Variants in VAV3 observed in about 807,000 individuals in gnomAD.
The protein encoded by VAV3 is guanine nucleotide exchange factor VAV3.
In VAV3, 94 loss-of-function variants were observed where a neutral mutation model predicts 131.2. That is an observed-to-expected ratio of 0.72 (90% CI 0.61 to 0.85). The LOEUF (loss-of-function observed/expected upper bound fraction) is 0.85, where lower values mean the gene tolerates loss of function less well. Among genes scored for constraint, VAV3 ranks in the 40% least tolerant of loss-of-function variants. The pLI, the probability that VAV3 is intolerant of heterozygous loss-of-function variation, is 0.00. For synonymous variants in VAV3, 349 were observed against 342.0 expected, an observed-to-expected ratio of 1.02 and a Z score of -0.22; for missense variants, 939 against 1,002.7, an observed-to-expected ratio of 0.94 and a Z score of 0.86.
At chr1:107,777,672 T>C (rs770808366) in intron 3 of VAV3, 3 of 213,150 alleles carry the variant, frequency 1.4e-5, no homozygotes, top group African/African-American at 2.3e-5. Flanking sequence ...GCATGTACCC[T>C]TGCCTTCAGC....
chr1:107,888,930 T>C (rs570087013), intron 1 of VAV3, among the ~76,000 whole-genome samples: 1 of 152,188 alleles, frequency 6.6e-6, no homozygotes, highest in African/African-American at 2.4e-5. Context: ...AATTTAAAGA[T>C]AGGCCCATCT....
intron 2 of VAV3, among the ~76,000 whole-genome samples, chr1:107,842,988 A>G (rs1209298363): frequency 6.6e-6 from 1 of 152,154 alleles, no homozygotes; most frequent in Non-Finnish European, 1.5e-5. Context: ...AGACCTACTG[A>G]GAAAAAAGTA....
intron 20 of VAV3, among the ~76,000 whole-genome samples, chr1:107,619,482 T>A (rs1165131957): frequency 6.6e-6 from 1 of 152,128 alleles, no homozygotes; most frequent in African/African-American, 2.4e-5. Flanking sequence ...ACTATACCAC[T>A]AGCCAGACCT....
At chr1:107,869,949 T>C (rs1571070098) in intron 2 of VAV3, among the ~76,000 whole-genome samples, 1 of 152,330 alleles carries the variant, frequency 6.6e-6, no homozygotes, top group Non-Finnish European at 1.5e-5. Context: ...TCCAGTTCCA[T>C]CCAGGTTGCT....
intron 17 of VAV3, among the ~76,000 whole-genome samples, chr1:107,699,131 C>T (rs965165522): frequency 1.3e-5 from 2 of 152,206 alleles, no homozygotes; most frequent in Middle Eastern, 3.2e-3. Flanking sequence ...ACTCAAAAGT[C>T]CACAGTTCAA....
intron 21 of VAV3, among the ~76,000 whole-genome samples, chr1:107,614,141 G>A (rs960333790): frequency 1.3e-5 from 2 of 151,998 alleles, no homozygotes; most frequent in Non-Finnish European, 2.9e-5. Context: ...AAGAGCTCCT[G>A]GAATCGGGGA....
chr1:107,651,749 C>A (rs901196532), intron 19 of VAV3, among the ~76,000 whole-genome samples: 9 of 151,958 alleles, frequency 5.9e-5, no homozygotes, highest in Non-Finnish European at 1.2e-4. Context: ...TAATGTTTGA[C>A]CATCCTACAC....
intron 15 of VAV3, among the ~76,000 whole-genome samples, chr1:107,717,216 G>T (rs1337392139): frequency 1.3e-5 from 2 of 152,046 alleles, no homozygotes; most frequent in Non-Finnish European, 1.5e-5. Context: ...TTTTTGAAGG[G>T]TTTTGTGTGT....
chr1:107,761,485 C>T (rs903478249), intron 9 of VAV3, among the ~76,000 whole-genome samples: 6 of 152,008 alleles, frequency 3.9e-5, no homozygotes, highest in African/African-American at 7.3e-5. Context: ...TTATCTTTAT[C>T]GCTGTACTTC....
intron 1 of VAV3, among the ~76,000 whole-genome samples, chr1:107,881,567 C>T (rs1393460951): frequency 6.6e-6 from 1 of 152,158 alleles, no homozygotes; most frequent in Non-Finnish European, 1.5e-5. Flanking sequence ...AACAACAAAG[C>T]CATGTGTCTT....
intron 19 of VAV3, among the ~76,000 whole-genome samples, chr1:107,682,667 T>C (rs1658727599): frequency 1.3e-5 from 2 of 152,342 alleles, no homozygotes; most frequent in South Asian, 2.1e-4. Flanking sequence ...TATAATGCTT[T>C]GAAAACTAAA....
intron 5 of VAV3, among the ~76,000 whole-genome samples, 198 bp from the exon 6 acceptor site, chr1:107,770,926 T>A (rs1665006370): frequency 6.6e-6 from 1 of 152,206 alleles, no homozygotes; most frequent in Non-Finnish European, 1.5e-5. Context: ...GACAAAGATT[T>A]AGATGATTAA....
chr1:107,852,966 T>C (rs1669295990), intron 2 of VAV3, among the ~76,000 whole-genome samples: 1 of 152,150 alleles, frequency 6.6e-6, no homozygotes, highest in Admixed American at 6.5e-5. Context: ...AAGATTTGCC[T>C]ATCTAATAGA....
chr1:107,959,051 C>G (rs1007138913), intron 1 of VAV3, among the ~76,000 whole-genome samples: 1 of 152,054 alleles, frequency 6.6e-6, no homozygotes, highest in Non-Finnish European at 1.5e-5. Flanking sequence ...GACCTGAGGT[C>G]TGAAGTTTGA....
intron 2 of VAV3, among the ~76,000 whole-genome samples, chr1:107,860,231 C>G (rs1332929506): frequency 6.6e-6 from 1 of 152,160 alleles, no homozygotes; most frequent in Non-Finnish European, 1.5e-5. Context: ...AGCCATCCTC[C>G]TACCTCAATC....
At chr1:107,590,515 T>C (rs933519922) in intron 25 of VAV3, among the ~76,000 whole-genome samples, 3 of 152,212 alleles carry the variant, frequency 2.0e-5, no homozygotes, top group African/African-American at 7.2e-5. Context: ...GGAGTATTAA[T>C]GATTCATAAA....
At chr1:107,698,397 G>A (rs968138472) in intron 17 of VAV3, among the ~76,000 whole-genome samples, 2 of 152,208 alleles carry the variant, frequency 1.3e-5, no homozygotes, top group African/African-American at 4.8e-5. Context: ...ACAGTGTACT[G>A]TGTTGCCAGA....
chr1:107,788,408 C>T (rs1045614355), intron 2 of VAV3, among the ~76,000 whole-genome samples: 2 of 152,110 alleles, frequency 1.3e-5, no homozygotes, highest in Non-Finnish European at 2.9e-5. Context: ...GCTTTGCCTG[C>T]TGTGCTCCAG....
chr1:107,774,068 CTGT>C lies in VAV3; in HGVS notation c.447-1228_447-1226del, dbSNP rs141574325. 7.9e-3 allele frequency among the ~76,000 whole-genome samples: 1,202 copies of C among 152,026 alleles called. 10 individuals carry two copies. Among genetic ancestry groups the C allele is most frequent in the East Asian group, 0.016 (84 of 5,164 alleles). On this transcript the variant is annotated intron_variant, in intron 4 of 26. Coordinates refer to ENST00000370056, the MANE Select transcript of VAV3 (RefSeq NM_006113.5). ...TAGCACAGACTTTTCTCTATTTTTG[CTGT>C]TGTTGTTGTTTGGGGGACAGAGTCT... is the stretch of plus-strand genomic sequence containing the variant.
Sources: gnomAD v4.1 joint callset for allele counts (sites outside exome capture counted in the v4.1 genomes callset) on GRCh38, gnomAD v4.1.1 for gene constraint, MANE v1.5 for transcripts, NCBI Gene and HGNC (gene_info 2026-07-23, HGNC 2026-07-21) for gene names.